Variants in RIMS2 observed in about 807,000 individuals in gnomAD.
The protein encoded by RIMS2 is regulating synaptic membrane exocytosis protein 2.
RIMS2 carries 59 observed loss-of-function variants against 174.4 expected under a neutral mutation model. The observed-to-expected ratio is 0.34, with a 90% CI of 0.27 to 0.42. The LOEUF is 0.42. Among genes scored for constraint, RIMS2 ranks in the 10% least tolerant of loss-of-function variants. The pLI, the probability that RIMS2 is intolerant of heterozygous loss-of-function variation, is 1.00. For missense variants in RIMS2, 1,620 were observed against 1,666.3 expected (o/e 0.97, Z 0.48); for synonymous variants, 606 against 572.5 (o/e 1.06, Z -0.84).
At chr8:103,763,986 C>G (rs1339953412) in intron 2 of RIMS2, among the ~76,000 whole-genome samples, 1 of 152,118 alleles carries the variant, frequency 6.6e-6, no homozygotes, top group Non-Finnish European at 1.5e-5. Context: ...TCAGAATTAC[C>G]TGGAGGGTTT....
chr8:103,994,950 G>T (rs1402248865), intron 17 of RIMS2, among the ~76,000 whole-genome samples: 1 of 151,774 alleles, frequency 6.6e-6, no homozygotes, highest in South Asian at 2.1e-4. Context: ...ATAAATTTTA[G>T]CAAGCTTTGA....
chr8:103,506,812 A>G (rs1823902157), intron 1 of RIMS2, among the ~76,000 whole-genome samples: 1 of 152,150 alleles, frequency 6.6e-6, no homozygotes, highest in Non-Finnish European at 1.5e-5. Flanking sequence ...AGGGTGGGTG[A>G]CAACTTGAAA....
At position 103,643,811 on chromosome 8, in the gene RIMS2, A is replaced by G. The variant is rs180679770; in HGVS notation, c.177-53275A>G. Among the ~76,000 whole-genome samples, 108 of 151,872 alleles carry G rather than the reference A, an allele frequency of 7.1e-4. No homozygotes were observed. The East Asian group carries it at 0.014, about 20-fold the overall frequency. ...AGGCCTCAGTCTGTCAATGAGCTTG[A>G]GTTGAGTTTCCTTTCCCTACATTGA... On this transcript the variant is annotated intron_variant, in intron 1 of 23. Coordinates refer to ENST00000504942, the Ensembl canonical transcript of RIMS2.
intron 1 of RIMS2, among the ~76,000 whole-genome samples, chr8:103,616,054 A>G (rs1392815387): frequency 6.6e-6 from 1 of 152,208 alleles, no homozygotes; most frequent in Non-Finnish European, 1.5e-5. Context: ...AAAACCTGGA[A>G]GAGACATGAT....
intron 19 of RIMS2, among the ~76,000 whole-genome samples, chr8:104,159,320 C>G (rs2098746075): frequency 6.6e-6 from 1 of 152,166 alleles, no homozygotes; most frequent in Admixed American, 6.5e-5. Flanking sequence ...AGTTTGAAGT[C>G]AAGTAGCATT....
At chr8:103,660,712 T>A (rs1390612513) in intron 1 of RIMS2, among the ~76,000 whole-genome samples, 8 of 152,210 alleles carry the variant, frequency 5.3e-5, no homozygotes, top group Non-Finnish European at 1.0e-4. Flanking sequence ...ATCTGAATAA[T>A]GTAAAATTGC....
intron 3 of RIMS2, among the ~76,000 whole-genome samples, chr8:103,836,708 A>G (rs1441176306): frequency 6.6e-6 from 1 of 152,232 alleles, no homozygotes; most frequent in Non-Finnish European, 1.5e-5. Flanking sequence ...AGGACACACT[A>G]CCTTTTCTAG....
At chr8:103,624,825 T>G (rs1050522517) in intron 1 of RIMS2, among the ~76,000 whole-genome samples, 4 of 152,148 alleles carry the variant, frequency 2.6e-5, no homozygotes, top group Non-Finnish European at 5.9e-5. Flanking sequence ...GTTTTCATCT[T>G]TATACATATC....
At chr8:104,083,038 C>A (rs1359055749) in intron 19 of RIMS2, among the ~76,000 whole-genome samples, 3 of 152,116 alleles carry the variant, frequency 2.0e-5, no homozygotes, top group African/African-American at 7.2e-5. Flanking sequence ...TTGGCTCCAT[C>A]CCAAATGGTC....
At chr8:103,787,990 A>G (rs900572127) in intron 3 of RIMS2, among the ~76,000 whole-genome samples, 5 of 151,416 alleles carry the variant, frequency 3.3e-5, no homozygotes, top group Non-Finnish European at 7.4e-5. Context: ...TTTTTTCTCT[A>G]AACTTCCCTT....
At chr8:104,122,498 A>G (rs925316226) in intron 19 of RIMS2, among the ~76,000 whole-genome samples, 14 of 152,170 alleles carry the variant, frequency 9.2e-5, no homozygotes, top group African/African-American at 3.4e-4. Flanking sequence ...AGAAATAGCA[A>G]TGACATCAGT....
intron 14 of RIMS2, among the ~76,000 whole-genome samples, chr8:103,956,689 G>A (rs1464486192): frequency 6.6e-6 from 1 of 152,128 alleles, no homozygotes; most frequent in Admixed American, 6.6e-5. Flanking sequence ...ACATTGGCAT[G>A]GGCAAAGACT....
intron 3 of RIMS2, chr8:103,819,173 T>C: frequency 5.6e-6 from 6 of 1,068,460 alleles, no homozygotes; most frequent in Non-Finnish European, 6.8e-6. Context: ...ATGTTTTTAA[T>C]AGGCTTAGAG....
At chr8:103,743,202 C>A (rs2097777105) in intron 2 of RIMS2, among the ~76,000 whole-genome samples, 1 of 152,138 alleles carries the variant, frequency 6.6e-6, no homozygotes, top group Non-Finnish European at 1.5e-5. Context: ...CCATTTATGT[C>A]AACATCTAAT....
chr8:103,938,683 A>G (rs1194250899), intron 13 of RIMS2, among the ~76,000 whole-genome samples: 1 of 152,160 alleles, frequency 6.6e-6, no homozygotes, highest in Non-Finnish European at 1.5e-5. Context: ...CCAAAGTCCA[A>G]AGTCTCATCT....
At chr8:103,800,837 AAG>A (rs142021625) in intron 3 of RIMS2, among the ~76,000 whole-genome samples, 13 of 152,304 alleles carry the variant, frequency 8.5e-5, no homozygotes, top group African/African-American at 3.1e-4. Flanking sequence ...CTGGCCTCCT[AAG>A]ATAAGTTAGG....
intron 3 of RIMS2, among the ~76,000 whole-genome samples, chr8:103,876,864 T>TTTTTTA (rs1378279723): frequency 2.9e-5 from 2 of 68,106 alleles, no homozygotes; most frequent in South Asian, 6.6e-4. Flanking sequence ...ACACACTATT[T>TTTTTTA]TATATATATA....
chr8:103,730,921 A>C (rs1318349589), intron 2 of RIMS2, among the ~76,000 whole-genome samples: 1 of 152,232 alleles, frequency 6.6e-6, no homozygotes, highest in East Asian at 1.9e-4. Flanking sequence ...AAGAGGTTTA[A>C]TTGACTCACA....
At chr8:103,704,394 G>A (rs1163672066) in intron 2 of RIMS2, among the ~76,000 whole-genome samples, 5 of 151,704 alleles carry the variant, frequency 3.3e-5, no homozygotes, top group South Asian at 2.1e-4. Flanking sequence ...ATCTATGTTC[G>A]TTCATCAGAG....
Sources: allele counts gnomAD v4.1 joint callset (sites outside exome capture counted in the v4.1 genomes callset), GRCh38; gene constraint gnomAD v4.1.1; transcripts MANE v1.5; gene names NCBI Gene and HGNC (gene_info 2026-07-23, HGNC 2026-07-21).